The following CILK1 variants were observed in gnomAD, a reference collection of about 807,000 sequenced individuals.
CILK1 encodes the protein ciliogenesis associated kinase 1.
Under a neutral mutation model 79.2 loss-of-function variants are expected in CILK1, and 47 were observed. The observed-to-expected ratio is 0.59, with a 90% CI of 0.47 to 0.76. The LOEUF (loss-of-function observed/expected upper bound fraction) is 0.76, where lower values mean the gene tolerates loss of function less well. Ranked by LOEUF, CILK1 falls within the 30% of genes least tolerant of loss-of-function variation. CILK1 has a pLI of 0.00. For missense variants in CILK1, 660 were observed against 769.5 expected (o/e 0.86, Z 1.68); for synonymous variants, 266 against 275.9 (o/e 0.96, Z 0.36).
intron 3 of CILK1, among the ~76,000 whole-genome samples, chr6:53,035,536 A>G (rs1296037752): frequency 6.6e-6 from 1 of 152,178 alleles, no homozygotes; most frequent in Non-Finnish European, 1.5e-5. Context: ...CATTCCCCGC[A>G]TGACATCATG....
intron 5 of CILK1, among the ~76,000 whole-genome samples, chr6:53,019,767 C>G (rs1030340018): frequency 6.6e-6 from 1 of 152,108 alleles, no homozygotes; most frequent in African/African-American, 2.4e-5. Context: ...AAGTGATCCT[C>G]CTGTCTCAGC....
At chr6:53,041,590 G>A (rs144421641) in intron 1 of CILK1, among the ~76,000 whole-genome samples, 182 bp from the exon 2 acceptor site, 2 of 152,218 alleles carry the variant, frequency 1.3e-5, no homozygotes, top group African/African-American at 2.4e-5. Flanking sequence ...AAAGCCCAAA[G>A]TACAGCAGGT....
At chr6:53,013,625 C>G (rs1011410463) in intron 9 of CILK1, 37 bp downstream of exon 9, 2 of 1,585,588 alleles carry the variant, frequency 1.3e-6, no homozygotes. Context: ...GAGGAATAAA[C>G]AGACACGAAG....
Position 53,013,807 on chromosome 6 carries a change from C to T in CILK1, c.1007G>A (p.Arg336Gln), listed in dbSNP as rs147184173. ...PAKPHTRISS[R>Q]QHQASQPPLH... ...AGGGGGCTGGCTGGCTTGATGCTGTCGTGAAGAAATTCGTGTGTGTGGCTT... is the reference window on the plus strand; with the variant it reads ...AGGGGGCTGGCTGGCTTGATGCTGTTGTGAAGAAATTCGTGTGTGTGGCTT... Residue 336 changes from arginine to glutamine, a missense_variant, in exon 9 of 14, where the codon CGA becomes CAA. Coordinates refer to ENST00000676107, the MANE Select transcript of CILK1 (RefSeq NM_014920.5). 123 of 1,613,758 alleles carry T rather than the reference C, an allele frequency of 7.6e-5. No homozygotes were observed. The African/African-American group carries it at 1.1e-3, about 14-fold the overall frequency.
Position 53,003,214 on chromosome 6 carries a change from G to A in CILK1, c.*1935C>T, listed in dbSNP as rs1462449314. 6.6e-6 allele frequency: 1 copy of A among 152,542 alleles called. No individual in the cohort carries two copies. The highest frequency in any genetic ancestry group is 1.5e-5 in the Non-Finnish European group (1 of 68,018). 9.4% of individuals were successfully genotyped at this position (152,542 alleles called of 1,614,324 possible). ...CACCTATCACATCCACATCCATTATGTGCTTTTCTCATGCCCCTAGGGATC... is the reference window on the plus strand; with the variant it reads ...CACCTATCACATCCACATCCATTATATGCTTTTCTCATGCCCCTAGGGATC... On this transcript the variant is annotated 3_prime_UTR_variant, in exon 14 of 14. Coordinates refer to ENST00000676107, the MANE Select transcript of CILK1 (RefSeq NM_014920.5).
At chr6:53,016,051 A>G (rs1764869996) in intron 8 of CILK1, 32 bp downstream of exon 8, 3 of 1,604,200 alleles carry the variant, frequency 1.9e-6, no homozygotes, top group African/African-American at 2.7e-5. Flanking sequence ...AGAGTTAGAT[A>G]TGAACGTTAT....
intron 8 of CILK1, 23 bp downstream of exon 8, chr6:53,016,060 A>G: frequency 1.2e-6 from 2 of 1,611,622 alleles, no homozygotes; most frequent in Non-Finnish European, 1.7e-6. Flanking sequence ...TATGAACGTT[A>G]TAACAAGAAA....
chr6:53,055,479 C>A (rs1767792124), intron 1 of CILK1, among the ~76,000 whole-genome samples: 1 of 152,134 alleles, frequency 6.6e-6, no homozygotes, highest in Non-Finnish European at 1.5e-5. Flanking sequence ...CCAAAAGGAC[C>A]TTCTTTACAT....
intron 7 of CILK1, among the ~76,000 whole-genome samples, chr6:53,017,883 A>G (rs75277097): frequency 1.3e-3 from 200 of 152,310 alleles, no homozygotes; most frequent in African/African-American, 4.4e-3. Flanking sequence ...AAAATGGAGA[A>G]TGAAAGAAGG....
At chr6:53,009,316 C>G in intron 12 of CILK1, 123 bp downstream of exon 12, 1 of 950,930 alleles carries the variant, frequency 1.1e-6, no homozygotes, top group East Asian at 2.4e-5. Context: ...GAAAAGAGGC[C>G]TGAGCTTTCA....
Position 53,012,054 on chromosome 6 carries a change from A to T in CILK1, c.1326T>A (p.Ser442Arg). 3.7e-6 allele frequency: 6 copies of T among 1,613,942 alleles called. No homozygotes were observed. The highest frequency in any genetic ancestry group is 5.1e-6 in the Non-Finnish European group (6 of 1,179,970). ...ACACTTGCCTGCAGAGAGTGTCATC[A>T]CTCTGTCTTTTCTTGTTTTTCAGGT... ...RIDLKNKKRQ[S>R]DDTLCRFESV... The change falls in exon 10 of 14, where the codon AGT (serine) becomes AGA (arginine). Residue 442 changes from serine to arginine, a missense_variant. By Grantham distance (110) the Ser-to-Arg change is moderately radical. Transcript: ENST00000676107.
At position 53,013,837 on chromosome 6, in the gene CILK1, G is replaced by A. The variant is rs2127411514; in HGVS notation, c.977C>T (p.Pro326Leu). 6.2e-7 allele frequency: 1 copy of A among 1,613,812 alleles called. No homozygotes were observed. ...YIKPVPPAQP[P>L]AKPHTRISSR... Reference sequence around the variant, plus strand: ...AGAAATTCGTGTGTGTGGCTTGGCTGGTGGCTGGGCAGGTGGGACTGGCTT... The same window carrying A: ...AGAAATTCGTGTGTGTGGCTTGGCTAGTGGCTGGGCAGGTGGGACTGGCTT... The change falls in exon 9 of 14, where the codon CCA (proline) becomes CTA (leucine). Residue 326 changes from proline (P) to leucine (L), a missense_variant. Coordinates refer to ENST00000676107, the MANE Select transcript of CILK1 (RefSeq NM_014920.5).
intron 1 of CILK1, among the ~76,000 whole-genome samples, chr6:53,052,991 A>G (rs1767590910): frequency 6.8e-6 from 1 of 147,048 alleles, no homozygotes; most frequent in African/African-American, 2.5e-5. Flanking sequence ...CACTTGTTTT[A>G]CTGGATGAAA....
intron 3 of CILK1, among the ~76,000 whole-genome samples, chr6:53,037,393 G>T (rs78278394): frequency 0.71 from 107,558 of 151,928 alleles, 38,574 homozygotes; most frequent in East Asian, 0.87. Flanking sequence ...CACAAAAGAA[G>T]GACCTCAGCA....
Position 53,013,838 on chromosome 6 carries a change from G to C in CILK1, c.976C>G (p.Pro326Ala), listed in dbSNP as rs1764734816. 1.2e-6 allele frequency: 2 copies of C among 1,613,878 alleles called. No individual in the cohort carries two copies. The highest frequency in any genetic ancestry group is 2.2e-5 in the East Asian group (1 of 44,870). The change falls in exon 9 of 14, where the codon CCA becomes GCA. Residue 326 changes from proline to alanine, a missense_variant. Coordinates refer to ENST00000676107, the MANE Select transcript of CILK1 (RefSeq NM_014920.5). ...GAAATTCGTGTGTGTGGCTTGGCTG[G>C]TGGCTGGGCAGGTGGGACTGGCTTA... ...YIKPVPPAQP[P>A]AKPHTRISSR...
rs1670021434 is a variant in CILK1 at position 53,002,753 on chromosome 6, C to G, written c.*2396G>C. ...CCCAGGGAAGTTGCTTGCTGGTAAA[C>G]AAACGAAAGCATAAAAAGAAAAAAG... On this transcript the variant is annotated 3_prime_UTR_variant, in exon 14 of 14. Transcript: ENST00000676107. 6.6e-6 allele frequency: 1 copy of G among 151,972 alleles called. No homozygotes were observed. The highest frequency in any genetic ancestry group is 2.4e-5 in the African/African-American group (1 of 41,366). 9.4% of individuals were successfully genotyped at this position (151,972 alleles called of 1,614,324 possible). A position where few individuals can be genotyped will look rare whatever the true frequency, so the allele number is the denominator to read the frequency against.
At chr6:53,044,498 G>C (rs1766927551) in intron 1 of CILK1, among the ~76,000 whole-genome samples, 1 of 152,178 alleles carries the variant, frequency 6.6e-6, no homozygotes. Context: ...AATATACTCT[G>C]AAGGGTTTAC....
At chr6:53,046,369 C>T (rs140799720) in intron 1 of CILK1, among the ~76,000 whole-genome samples, 54 of 152,176 alleles carry the variant, frequency 3.5e-4, no homozygotes, top group African/African-American at 1.3e-3. Context: ...TAATTAATGT[C>T]CCTTCCTCAT....
intron 5 of CILK1, among the ~76,000 whole-genome samples, chr6:53,028,369 T>G (rs934912249): frequency 6.6e-6 from 1 of 152,176 alleles, no homozygotes; most frequent in African/African-American, 2.4e-5. Flanking sequence ...ATTCTCTTGT[T>G]CTCGCTGAGC....
Sources: allele counts gnomAD v4.1 joint callset (sites outside exome capture counted in the v4.1 genomes callset), GRCh38; gene constraint gnomAD v4.1.1; transcripts MANE v1.5; gene names NCBI Gene and HGNC (gene_info 2026-07-23, HGNC 2026-07-21).